The following CYYR1 variants were observed in gnomAD, a reference collection of about 807,000 sequenced individuals.
The protein encoded by CYYR1 is cysteine and tyrosine-rich protein 1.
In CYYR1, 14 loss-of-function variants were observed where a neutral mutation model predicts 15.2. That is an observed-to-expected ratio of 0.92 (90% CI 0.61 to 1.44). CYYR1 has a LOEUF of 1.44. Among genes scored for constraint, CYYR1 ranks in the 40% most tolerant of loss-of-function variants. CYYR1 has a pLI of 0.00. For missense variants in CYYR1, 228 were observed against 209.5 expected (o/e 1.09, Z -0.54); for synonymous variants, 80 against 77.4 (o/e 1.03, Z -0.18).
chr21:26,534,650 T>C (rs140623656), intron 2 of CYYR1, among the ~76,000 whole-genome samples: 2 of 152,278 alleles, frequency 1.3e-5, no homozygotes, highest in Non-Finnish European at 2.9e-5. Flanking sequence ...GGACATCCTC[T>C]TCCTATACCT....
At chr21:26,540,076 T>A (rs1978439656) in intron 2 of CYYR1, among the ~76,000 whole-genome samples, 1 of 152,244 alleles carries the variant, frequency 6.6e-6, no homozygotes. Context: ...TCTCTCTAGA[T>A]GCTTTCAGCA....
At chr21:26,564,939 A>C (rs1265791752) in intron 2 of CYYR1, 14 of 444,866 alleles carry the variant, frequency 3.1e-5, no homozygotes, top group Non-Finnish European at 4.1e-5. Context: ...ATATATTTAA[A>C]TTTGAGCTGA....
intron 2 of CYYR1, among the ~76,000 whole-genome samples, chr21:26,534,410 T>C (rs1291751827): frequency 2.6e-5 from 4 of 152,148 alleles, no homozygotes; most frequent in East Asian, 3.9e-4. Context: ...CCTCCTGATC[T>C]ACTCTCTACC....
intron 2 of CYYR1, among the ~76,000 whole-genome samples, chr21:26,513,133 T>C (rs1259908961): frequency 6.6e-6 from 1 of 152,232 alleles, no homozygotes; most frequent in Non-Finnish European, 1.5e-5. Context: ...AGCTCAAATG[T>C]TGCTTTCACC....
At chr21:26,496,312 C>A (rs1301030039) in intron 2 of CYYR1, among the ~76,000 whole-genome samples, 1 of 151,684 alleles carries the variant, frequency 6.6e-6, no homozygotes, top group African/African-American at 2.4e-5. Context: ...GGACAGAGTC[C>A]AAAGGAAAGA....
At chr21:26,567,563 T>C (rs1980721926) in intron 1 of CYYR1, among the ~76,000 whole-genome samples, 1 of 152,154 alleles carries the variant, frequency 6.6e-6, no homozygotes, top group Non-Finnish European at 1.5e-5. Context: ...GATGGATATA[T>C]AAGTTTCAGA....
At chr21:26,562,793 TACACAAACAC>T (rs1980318173) in intron 2 of CYYR1, among the ~76,000 whole-genome samples, 1 of 41,586 alleles carries the variant, frequency 2.4e-5, no homozygotes, top group Admixed American at 2.3e-4. Context: ...CACAGAGACA[TACACAAACAC>T]ACACACACAC....
Position 26,467,422 on chromosome 21 carries a change from G to GA in CYYR1, c.*1078dup. On this transcript the variant is annotated 3_prime_UTR_variant, in exon 4 of 4. Coordinates refer to ENST00000652641, the MANE Select transcript of CYYR1 (RefSeq NM_001320768.2). Reference sequence around the variant, plus strand: ...CAGATTATCAAAATTTTACGAAGAAGAAAAAAATAATAGTTTTAAGGAAAT... The same window carrying GA: ...CAGATTATCAAAATTTTACGAAGAAGAAAAAAAATAATAGTTTTAAGGAAAT... 1 of 151,984 alleles carries GA rather than the reference G, an allele frequency of 6.6e-6. No individual in the cohort carries two copies. Among genetic ancestry groups the GA allele is most frequent in the Non-Finnish European group, 1.5e-5 (1 of 67,948 alleles). 9.4% of individuals were successfully genotyped at this position (151,984 alleles called of 1,614,324 possible). A position where few individuals can be genotyped will look rare whatever the true frequency, so the allele number is the denominator to read the frequency against.
At chr21:26,472,082 T>C (rs563918672) in intron 3 of CYYR1, among the ~76,000 whole-genome samples, 1 of 152,304 alleles carries the variant, frequency 6.6e-6, no homozygotes, top group East Asian at 1.9e-4. Context: ...GTCACCCCAA[T>C]TTAACAAATC....
chr21:26,504,751 T>C (rs940352957), intron 2 of CYYR1, among the ~76,000 whole-genome samples: 1 of 152,202 alleles, frequency 6.6e-6, no homozygotes, highest in African/African-American at 2.4e-5. Flanking sequence ...GTAGGTCTTA[T>C]TCATTCTTTC....
At chr21:26,517,072 G>A (rs1033819208) in intron 2 of CYYR1, among the ~76,000 whole-genome samples, 4 of 117,128 alleles carry the variant, frequency 3.4e-5, no homozygotes, top group South Asian at 2.9e-4. Context: ...CCGAGATCGC[G>A]CCACTGCACT....
intron 2 of CYYR1, among the ~76,000 whole-genome samples, chr21:26,543,323 C>T (rs1978709125): frequency 6.6e-6 from 1 of 151,598 alleles, no homozygotes; most frequent in Non-Finnish European, 1.5e-5. Flanking sequence ...ACATGTACCC[C>T]AGAACTTAAA....
intron 2 of CYYR1, among the ~76,000 whole-genome samples, chr21:26,519,760 A>G (rs2065778657): frequency 6.6e-6 from 1 of 152,172 alleles, no homozygotes; most frequent in African/African-American, 2.4e-5. Flanking sequence ...GTAGAGAAAT[A>G]AGAATGCTTT....
chr21:26,564,648 T>C, intron 2 of CYYR1: 1 of 972,276 alleles, frequency 1.0e-6, no homozygotes, highest in Non-Finnish European at 1.2e-6. Flanking sequence ...TTATGAGTTA[T>C]ATGTATTTAC....
intron 2 of CYYR1, among the ~76,000 whole-genome samples, chr21:26,516,436 C>G (rs1045360932): frequency 6.6e-6 from 1 of 152,140 alleles, no homozygotes; most frequent in African/African-American, 2.4e-5. Flanking sequence ...CAAGCAAATC[C>G]ATTGCTATTG....
rs1978456238 is a variant in CYYR1 at position 26,540,308 on chromosome 21, C to T, written c.176+25958G>A. 2.0e-5 allele frequency among the ~76,000 whole-genome samples: 3 copies of T among 152,166 alleles called. No homozygotes were observed. In the South Asian group the frequency reaches 6.2e-4, roughly 32 times the overall value. On this transcript the variant is annotated intron_variant, in intron 2 of 3. Coordinates refer to ENST00000652641, the MANE Select transcript of CYYR1 (RefSeq NM_001320768.2). ...CAAAACTGGGAAGAAGGAAATGGAACTGAGTAGCGTTCCATTGATAAGGCT... is the reference window on the plus strand; with the variant it reads ...CAAAACTGGGAAGAAGGAAATGGAATTGAGTAGCGTTCCATTGATAAGGCT...
intron 2 of CYYR1, among the ~76,000 whole-genome samples, chr21:26,542,230 T>C (rs902904843): frequency 1.3e-3 from 7 of 5,378 alleles, no homozygotes; most frequent in African/African-American, 6.4e-3. Flanking sequence ...CATAAGAAGG[T>C]GGGGGACGGG....
intron 2 of CYYR1, among the ~76,000 whole-genome samples, chr21:26,560,864 T>C (rs921912173): frequency 6.8e-6 from 1 of 147,682 alleles, no homozygotes; most frequent in Non-Finnish European, 1.5e-5. Context: ...GGCTATATCC[T>C]CCGGCACCTG....
chr21:26,531,071 G>T (rs73898242), intron 2 of CYYR1, among the ~76,000 whole-genome samples: 2,605 of 152,258 alleles, frequency 0.017, 68 homozygotes, highest in African/African-American at 0.059. Context: ...GCACGCATAA[G>T]TGTAAACTTG....
Sources: gnomAD v4.1 joint callset for allele counts (sites outside exome capture counted in the v4.1 genomes callset) on GRCh38, gnomAD v4.1.1 for gene constraint, MANE v1.5 for transcripts, NCBI Gene and HGNC (gene_info 2026-07-23, HGNC 2026-07-21) for gene names.